The following ZNF66 variants were observed in gnomAD, a reference collection of about 807,000 sequenced individuals.
ZNF66 encodes the protein zinc finger protein 66, also known as putative zinc finger protein 66.
ZNF66 carries 32 observed loss-of-function variants against 35.2 expected under a neutral mutation model. The ratio of observed to expected loss-of-function variants is 0.91; its 90% CI spans 0.69 to 1.22. ZNF66 has a LOEUF of 1.22. ZNF66 is among the 50% of genes most tolerant of loss of function. ZNF66 has a pLI of 0.00. For synonymous variants in ZNF66, 231 were observed against 181.3 expected (o/e 1.27, Z -2.20); for missense variants, 666 against 543.1 (o/e 1.23, Z -2.25).
In ZNF66 at chr19:20,806,742, C is replaced by A; in HGVS notation, c.1142C>A (p.Ser381Tyr). Reference protein sequence around the residue: ...CEECGEAFKYSCSLTAHKIIH... With the variant: ...CEECGEAFKYYCSLTAHKIIH... The stretch of plus-strand genomic sequence containing the variant: ...GAATGTGGTGAAGCCTTTAAGTACT[C>A]CTGTTCCCTTACTGCACATAAGATA... The change falls in exon 4 of 4, where the codon TCC becomes TAC. Residue 381 changes from serine (S) to tyrosine (Y), a missense_variant. Physicochemically the swap from Ser to Tyr is moderately radical, Grantham distance 144. Transcript: ENST00000344519. 1 of 1,363,352 alleles carries A rather than the reference C, an allele frequency of 7.3e-7. No homozygotes were observed. 84.5% of individuals were successfully genotyped at this position (1,363,352 alleles called of 1,614,324 possible).
rs879637768 is a variant in ZNF66, at chr19:20,793,327, C to CTTTTTTTTTTTTTTTTTTTTT, written c.131-452_131-451insTTTTTTTTTTTTTTTTTTTTT. On this transcript the variant is annotated intron_variant, in intron 2 of 3. Coordinates refer to ENST00000344519, the MANE Select transcript of ZNF66 (RefSeq NM_001355197.2). ...CTTTTCTTTTCTTTTCTTTTCTTTT[C>CTTTTTTTTTTTTTTTTTTTTT]TTTTCTTTTTTTTTTTTTTTTGAGA... is the stretch of plus-strand genomic sequence containing the variant. Among the ~76,000 whole-genome samples, 39 of 74,726 alleles carry CTTTTTTTTTTTTTTTTTTTTT rather than the reference C, an allele frequency of 5.2e-4. 4 individuals carry two copies. Among genetic ancestry groups the CTTTTTTTTTTTTTTTTTTTTT allele is most frequent in the South Asian group, 1.6e-3 (3 of 1,876 alleles). The allele number at this position is 74,726 out of a possible 152,430, so 49.0% of individuals were successfully genotyped here. A position where few individuals can be genotyped will look rare whatever the true frequency, so the allele number is the denominator to read the frequency against.
chr19:20,784,746 A>G (rs1971272433), intron 1 of ZNF66: 1 of 152,212 alleles, frequency 6.6e-6, no homozygotes, highest in African/African-American at 2.4e-5. Context: ...CATGTTTCTC[A>G]TGGTGAGAGT....
At chr19:20,798,990 A>G (rs867491560) in intron 3 of ZNF66, 4 of 146,296 alleles carry the variant, frequency 2.7e-5, no homozygotes, top group South Asian at 4.4e-4. Flanking sequence ...ATTTTCAATT[A>G]TGTCTTCCAG....
At chr19:20,792,445 C>G in intron 1 of ZNF66, 67 bp from the exon 2 acceptor site, 1 of 1,353,984 alleles carries the variant, frequency 7.4e-7, no homozygotes. Flanking sequence ...TCTCATTTCA[C>G]CTTAAGTCAA....
At chr19:20,793,080 A>G (rs533108100) in intron 2 of ZNF66, among the ~76,000 whole-genome samples, 1 of 151,792 alleles carries the variant, frequency 6.6e-6, no homozygotes, top group African/African-American at 2.4e-5. Flanking sequence ...GAAGAAAAAA[A>G]AAAAAGAAAG....
chr19:20,798,647 TA>T (rs1453240815), intron 3 of ZNF66, among the ~76,000 whole-genome samples: 1 of 152,222 alleles, frequency 6.6e-6, no homozygotes, highest in Non-Finnish European at 1.5e-5. Context: ...CTTGTAAAAC[TA>T]AAACTCAATG....
chr19:20,796,891 C>A (rs1971397048), intron 3 of ZNF66, among the ~76,000 whole-genome samples: 1 of 152,116 alleles, frequency 6.6e-6, no homozygotes, highest in Non-Finnish European at 1.5e-5. Flanking sequence ...CACTCTGTCA[C>A]CCAGCCTGCG....
chr19:20,802,119 C>G (rs1410069694), intron 3 of ZNF66, among the ~76,000 whole-genome samples: 1 of 151,964 alleles, frequency 6.6e-6, no homozygotes, highest in Non-Finnish European at 1.5e-5. Flanking sequence ...TATTTTAATT[C>G]TGTAGCTTTT....
chr19:20,802,104 C>A (rs1045612006), intron 3 of ZNF66, among the ~76,000 whole-genome samples: 2 of 152,226 alleles, frequency 1.3e-5, no homozygotes, highest in East Asian at 3.9e-4. Context: ...ATACTCATAA[C>A]AAATTATTTT....
At chr19:20,788,148 A>G (rs767235628) in intron 1 of ZNF66, among the ~76,000 whole-genome samples, 4 of 152,158 alleles carry the variant, frequency 2.6e-5, no homozygotes, top group Non-Finnish European at 5.9e-5. Context: ...TACTTGGATG[A>G]TAAAGAAGGA....
intron 1 of ZNF66, 114 bp downstream of exon 1, chr19:20,776,564 C>T (rs1971196505): frequency 7.4e-7 from 1 of 1,352,422 alleles, no homozygotes; most frequent in African/African-American, 1.4e-5. Context: ...CCAGCTCTGC[C>T]TCAGTCCCAT....
chr19:20,797,249 AGGCT>A (rs1305517380), intron 3 of ZNF66, among the ~76,000 whole-genome samples: 1 of 88,510 alleles, frequency 1.1e-5, no homozygotes, highest in East Asian at 3.3e-4. Context: ...GCTGTCGCCC[AGGCT>A]GGAGTGCAGT....
intron 1 of ZNF66, among the ~76,000 whole-genome samples, chr19:20,780,163 G>A (rs1971233204): frequency 6.6e-6 from 1 of 152,124 alleles, no homozygotes. Flanking sequence ...AGGAGAAAAT[G>A]TGCAGAGCGT....
At chr19:20,787,488 A>G (rs868686809) in intron 1 of ZNF66, among the ~76,000 whole-genome samples, 2 of 152,320 alleles carry the variant, frequency 1.3e-5, no homozygotes, top group Non-Finnish European at 1.5e-5. Flanking sequence ...GGGATTTACA[A>G]AAAAGCCTGG....
At chr19:20,788,959 A>C (rs1412506748) in intron 1 of ZNF66, among the ~76,000 whole-genome samples, 1 of 151,834 alleles carries the variant, frequency 6.6e-6, no homozygotes, top group Non-Finnish European at 1.5e-5. Context: ...GCTGAGGTAG[A>C]AGAATCACTT....
intron 3 of ZNF66, among the ~76,000 whole-genome samples, chr19:20,797,281 C>T (rs1459808081): frequency 8.3e-6 from 1 of 120,762 alleles, no homozygotes; most frequent in African/African-American, 3.1e-5. Flanking sequence ...TCTCGGCTCA[C>T]TGCAGGCTCC....
At chr19:20,781,209 C>T (rs2144891223) in intron 1 of ZNF66, among the ~76,000 whole-genome samples, 2 of 152,326 alleles carry the variant, frequency 1.3e-5, no homozygotes. Context: ...ATTGCACTCT[C>T]TCCTGCCCAG....
rs10407047 is a variant in ZNF66, at chr19:20,809,059, C to T, written c.*1737C>T. Among the ~76,000 whole-genome samples, 2,013 of 151,936 alleles carry T rather than the reference C, an allele frequency of 0.013. 42 individuals are homozygous for T. Among genetic ancestry groups the T allele is most frequent in the African/African-American group, 0.046 (1,895 of 41,412 alleles). ...AATGCAGAAGCCTCAGGAGCCAATG[C>T]GATCAACTGGAAGAAAGGGTATCAG... On this transcript the variant is annotated 3_prime_UTR_variant, in exon 4 of 4. Transcript: ENST00000344519.
Position 20,793,889 on chromosome 19 carries a change from G to A in ZNF66, c.226+11G>A, listed in dbSNP as rs1971367070. On this transcript the variant is annotated intron_variant, in intron 3 of 3. Coordinates refer to ENST00000344519, the MANE Select transcript of ZNF66 (RefSeq NM_001355197.2). Reference sequence around the variant, plus strand: ...TAGCCAACCCCTCAGGTAGGTGTGAGTGAAAATGAATACAACAGACAACAC... The same window carrying A: ...TAGCCAACCCCTCAGGTAGGTGTGAATGAAAATGAATACAACAGACAACAC... The A allele has an allele frequency of 9.0e-7, 1 of 1,109,584 alleles. No homozygotes were observed. Among genetic ancestry groups the A allele is most frequent in the East Asian group, 2.7e-5 (1 of 37,594 alleles). 68.7% of individuals were successfully genotyped at this position (1,109,584 alleles called of 1,614,324 possible).
Sources: gnomAD v4.1 joint callset for allele counts (sites outside exome capture counted in the v4.1 genomes callset) on GRCh38, gnomAD v4.1.1 for gene constraint, MANE v1.5 for transcripts, NCBI Gene and HGNC (gene_info 2026-07-23, HGNC 2026-07-21) for gene names.